Variants in ELP4 observed in about 807,000 individuals in gnomAD.
ELP4 encodes elongator complex protein 4.
In ELP4, 51 loss-of-function variants were observed where a neutral mutation model predicts 48.9. The ratio of observed to expected loss-of-function variants is 1.04; its 90% CI spans 0.83 to 1.32. ELP4 has a LOEUF of 1.32. ELP4 is among the 40% of genes most tolerant of loss of function. The pLI, the probability that ELP4 is intolerant of heterozygous loss-of-function variation, is 0.00. For synonymous variants in ELP4, 210 were observed against 189.2 expected (o/e 1.11, Z -0.90); for missense variants, 519 against 514.6 (o/e 1.01, Z -0.08).
chr11:31,712,377 G>A (rs1299403076), intron 9 of ELP4, among the ~76,000 whole-genome samples: 2 of 152,164 alleles, frequency 1.3e-5, no homozygotes, highest in East Asian at 1.9e-4. Context: ...GCAAAGTTTT[G>A]TATTTAGTAA....
chr11:31,515,438 A>C (rs1468209959), intron 1 of ELP4, among the ~76,000 whole-genome samples: 2 of 152,176 alleles, frequency 1.3e-5, no homozygotes, highest in Non-Finnish European at 1.5e-5. Flanking sequence ...GTTTGAGCCC[A>C]GGAGTTCAAA....
chr11:31,610,968 T>G (rs1308199153), intron 5 of ELP4, among the ~76,000 whole-genome samples: 1 of 152,214 alleles, frequency 6.6e-6, no homozygotes, highest in Non-Finnish European at 1.5e-5. Flanking sequence ...TATTAGCATG[T>G]CCTGTCAACT....
intron 3 of ELP4, among the ~76,000 whole-genome samples, chr11:31,571,799 G>A (rs752264183): frequency 7.9e-5 from 12 of 152,148 alleles, no homozygotes; most frequent in Non-Finnish European, 1.6e-4. Flanking sequence ...GTAATATTTT[G>A]AAAGGATTGT....
chr11:31,720,454 G>A (rs1946937343), intron 9 of ELP4, among the ~76,000 whole-genome samples: 1 of 152,058 alleles, frequency 6.6e-6, no homozygotes, highest in Admixed American at 6.5e-5. Context: ...GTGGTAACCC[G>A]CTGATGCAGG....
chr11:31,643,879 C>G (rs1945148883), intron 7 of ELP4, among the ~76,000 whole-genome samples: 2 of 151,682 alleles, frequency 1.3e-5, no homozygotes, highest in Non-Finnish European at 2.9e-5. Context: ...ACTGGACAAT[C>G]TGATTTGCTT....
Position 31,788,929 on chromosome 11 carries a change from G to GTAT in ELP4, c.*5406_*5408dup, listed in dbSNP as rs1216413077. The GTAT allele has an allele frequency of 5.0e-6, 1 of 200,360 alleles. No individual in the cohort carries two copies. The highest frequency in any genetic ancestry group is 1.0e-5 in the Non-Finnish European group (1 of 96,958). 12.4% of individuals were successfully genotyped at this position (200,360 alleles called of 1,614,324 possible). On this transcript the variant is annotated 3_prime_UTR_variant, in exon 10 of 10. Transcript: ENST00000640961. ...ACACTATAAGGTTAAAAAGAAAACT[G>GTAT]TATAATAAAGGAAATACAAAGGCTT...
chr11:31,700,221 T>G, intron 9 of ELP4, among the ~76,000 whole-genome samples: 1 of 151,812 alleles, frequency 6.6e-6, no homozygotes, highest in South Asian at 2.1e-4. Context: ...GTGTATCTAT[T>G]TTTTTAAAAA....
chr11:31,654,002 A>G (rs1343828746), intron 9 of ELP4: 1 of 151,704 alleles, frequency 6.6e-6, no homozygotes, highest in Non-Finnish European at 1.5e-5. Context: ...CTTGCACTTA[A>G]TAATATTTTG....
At chr11:31,738,709 A>G (rs990243541) in intron 9 of ELP4, among the ~76,000 whole-genome samples, 2 of 151,888 alleles carry the variant, frequency 1.3e-5, no homozygotes, top group Admixed American at 6.6e-5. Flanking sequence ...CCACTGTACT[A>G]TAGCCTGGGC....
intron 9 of ELP4, chr11:31,653,347 T>C (rs1348347675): frequency 2.0e-5 from 3 of 151,746 alleles, no homozygotes; most frequent in African/African-American, 7.2e-5. Flanking sequence ...CTATATATAG[T>C]AACAGTCTGG....
At chr11:31,604,853 A>G (rs1312861048) in intron 5 of ELP4, among the ~76,000 whole-genome samples, 3 of 151,848 alleles carry the variant, frequency 2.0e-5, no homozygotes, top group Non-Finnish European at 4.4e-5. Flanking sequence ...CGGTGCTTTG[A>G]TGTTGTTTTA....
At chr11:31,679,752 T>C (rs1946018095) in intron 9 of ELP4, among the ~76,000 whole-genome samples, 1 of 152,244 alleles carries the variant, frequency 6.6e-6, no homozygotes, top group Non-Finnish European at 1.5e-5. Context: ...CAGTATCGTG[T>C]TGGCTATTAT....
chr11:31,763,488 C>T, intron 9 of ELP4: 3 of 1,611,090 alleles, frequency 1.9e-6, no homozygotes, highest in Admixed American at 1.7e-5. Context: ...AGCAGAAAGA[C>T]TCTGCATGGG....
chr11:31,732,301 TG>T (rs1363245200), intron 9 of ELP4, among the ~76,000 whole-genome samples: 67 of 151,418 alleles, frequency 4.4e-4, no homozygotes, highest in Admixed American at 3.7e-3. Context: ...ATAAAGTGGG[TG>T]GGGGTAGTGA....
intron 9 of ELP4, chr11:31,662,989 A>G (rs1325116492): frequency 6.3e-6 from 1 of 158,840 alleles, no homozygotes; most frequent in Non-Finnish European, 1.4e-5. Context: ...GATTCTTTCA[A>G]ATGCTAAAGC....
intron 5 of ELP4, among the ~76,000 whole-genome samples, chr11:31,611,174 T>C (rs565556325): frequency 6.6e-6 from 1 of 152,326 alleles, no homozygotes; most frequent in South Asian, 2.1e-4. Context: ...CATAGTACTG[T>C]CCAGTAGAAT....
intron 3 of ELP4, among the ~76,000 whole-genome samples, chr11:31,579,424 C>T (rs1451730710): frequency 6.6e-6 from 1 of 152,144 alleles, no homozygotes; most frequent in Non-Finnish European, 1.5e-5. Flanking sequence ...ACCCAGCCAT[C>T]CCATTACTGG....
At chr11:31,669,130 C>T (rs1008974157) in intron 9 of ELP4, among the ~76,000 whole-genome samples, 1 of 150,970 alleles carries the variant, frequency 6.6e-6, no homozygotes, top group East Asian at 1.9e-4. Context: ...GATGGAGTCT[C>T]GCTCTGTCAC....
chr11:31,539,044 T>C (rs1956550872), intron 2 of ELP4, among the ~76,000 whole-genome samples: 1 of 152,222 alleles, frequency 6.6e-6, no homozygotes, highest in Non-Finnish European at 1.5e-5. Context: ...TTCCTTCAAA[T>C]ATTTAAATTT....
Sources: gnomAD v4.1 joint callset for allele counts (sites outside exome capture counted in the v4.1 genomes callset) on GRCh38, gnomAD v4.1.1 for gene constraint, MANE v1.5 for transcripts, NCBI Gene and HGNC (gene_info 2026-07-23, HGNC 2026-07-21) for gene names.